Variants in SLC9C1 observed in about 807,000 individuals in gnomAD.
The protein encoded by SLC9C1 is solute carrier family 9 member C1, also known as sodium/hydrogen exchanger 10.
Under a neutral mutation model 140.9 loss-of-function variants are expected in SLC9C1, and 97 were observed. The ratio of observed to expected loss-of-function variants is 0.69; its 90% CI spans 0.58 to 0.82. The LOEUF (loss-of-function observed/expected upper bound fraction) is 0.82. Among genes scored for constraint, SLC9C1 ranks in the 40% least tolerant of loss-of-function variants. The pLI, the probability that SLC9C1 is intolerant of heterozygous loss-of-function variation, is 0.00. For synonymous variants in SLC9C1, 440 were observed against 442.6 expected (o/e 0.99, Z 0.07); for missense variants, 1,340 against 1,389.3 (o/e 0.96, Z 0.56).
chr3:112,240,938 T>C (rs1036270297), intron 11 of SLC9C1, among the ~76,000 whole-genome samples: 22 of 144,716 alleles, frequency 1.5e-4, no homozygotes, highest in African/African-American at 5.7e-4. Flanking sequence ...ATTTAACTCA[T>C]GGACATAGAG....
chr3:112,176,144 T>C (rs1458386918), intron 23 of SLC9C1, among the ~76,000 whole-genome samples: 1 of 152,172 alleles, frequency 6.6e-6, no homozygotes, highest in Non-Finnish European at 1.5e-5. Context: ...CTGCAAACCC[T>C]AGTGGAGTGG....
chr3:112,214,084 C>T (rs149813189), intron 15 of SLC9C1, among the ~76,000 whole-genome samples: 234 of 152,154 alleles, frequency 1.5e-3, no homozygotes, highest in Middle Eastern at 3.4e-3. Context: ...ACATGGAAAC[C>T]GAACAACCAG....
intron 15 of SLC9C1, among the ~76,000 whole-genome samples, chr3:112,212,404 C>T (rs1214724997): frequency 2.6e-5 from 4 of 152,152 alleles, no homozygotes; most frequent in African/African-American, 9.7e-5. Context: ...GATCAAACTT[C>T]TCCGAGCTAA....
chr3:112,281,965 C>T (rs7626450), intron 2 of SLC9C1, among the ~76,000 whole-genome samples: 8,316 of 152,272 alleles, frequency 0.055, 271 homozygotes, highest in South Asian at 0.088. Context: ...GGATCATCCA[C>T]ATCAGATTGT....
chr3:112,266,157 A>G, intron 8 of SLC9C1, 81 bp downstream of exon 8: 1 of 1,020,780 alleles, frequency 9.8e-7, no homozygotes, highest in Non-Finnish European at 1.5e-6. Flanking sequence ...TACTTCGACC[A>G]TGTAGATGTA....
chr3:112,262,849 CA>C (rs5851826), intron 10 of SLC9C1, 74 bp downstream of exon 10: 765,387 of 1,262,494 alleles, frequency 0.61, 235,627 homozygotes, highest in East Asian at 0.77. Flanking sequence ...TACCTCACTA[CA>C]AAAAAACATA....
At chr3:112,147,792 T>C (rs1371246297) in intron 28 of SLC9C1, among the ~76,000 whole-genome samples, 1 of 152,212 alleles carries the variant, frequency 6.6e-6, no homozygotes, top group Non-Finnish European at 1.5e-5. Context: ...TCTAGGTTTT[T>C]GTATCTGGAT....
intron 26 of SLC9C1, among the ~76,000 whole-genome samples, chr3:112,158,798 G>T (rs922057209): frequency 6.6e-6 from 1 of 151,616 alleles, no homozygotes; most frequent in Non-Finnish European, 1.5e-5. Context: ...TTTCCAATTT[G>T]TTCGTGTATA....
rs2078367211 is a variant in SLC9C1 at position 112,216,329 on chromosome 3, T to C, written c.1790+1113A>G. 7.2e-5 allele frequency among the ~76,000 whole-genome samples: 11 copies of C among 152,066 alleles called. 1 individual carries two copies. In the South Asian group the frequency reaches 2.3e-3, roughly 32 times the overall value. ...TTCAGGACTAAAACACCAAAAGCAATGGCAACAAAAGCCAAAATTGACAAA... is the reference window on the plus strand; with the variant it reads ...TTCAGGACTAAAACACCAAAAGCAACGGCAACAAAAGCCAAAATTGACAAA... On this transcript the variant is annotated intron_variant, in intron 15 of 28. Transcript: ENST00000305815.
intron 13 of SLC9C1, among the ~76,000 whole-genome samples, chr3:112,225,605 C>T (rs4498008): frequency 0.76 from 114,777 of 151,860 alleles, 43,765 homozygotes; most frequent in East Asian, 0.99. Context: ...AAAATTTCCA[C>T]TTAAAAGATA....
chr3:112,159,208 T>G (rs907421787), intron 26 of SLC9C1, among the ~76,000 whole-genome samples: 2 of 151,936 alleles, frequency 1.3e-5, no homozygotes, highest in Non-Finnish European at 2.9e-5. Context: ...CATTTTCATT[T>G]ATTTCAATAA....
intron 13 of SLC9C1, among the ~76,000 whole-genome samples, chr3:112,230,314 A>G (rs1197416593): frequency 1.3e-5 from 2 of 152,142 alleles, no homozygotes; most frequent in African/African-American, 4.8e-5. Flanking sequence ...CAGGATGACT[A>G]GCTTGTCCAT....
chr3:112,232,552 A>G (rs1407718658), intron 12 of SLC9C1, among the ~76,000 whole-genome samples: 2 of 152,152 alleles, frequency 1.3e-5, no homozygotes, highest in East Asian at 1.9e-4. Flanking sequence ...GGTTCAGTGG[A>G]TATGAAATGG....
chr3:112,144,353 A>G (rs1337889215), intron 28 of SLC9C1, among the ~76,000 whole-genome samples: 1 of 151,136 alleles, frequency 6.6e-6, no homozygotes, highest in African/African-American at 2.4e-5. Flanking sequence ...ATTTTTTTGT[A>G]TTTTTAGTAG....
rs576372368 is a variant in SLC9C1 at position 112,237,248 on chromosome 3, T to C, written c.1446+2592A>G. Among the ~76,000 whole-genome samples, 4 of 152,330 alleles carry C rather than the reference T, an allele frequency of 2.6e-5. No individual in the cohort carries two copies. The East Asian group carries it at 5.8e-4, about 22-fold the overall frequency. On this transcript the variant is annotated intron_variant, in intron 12 of 28. Transcript: ENST00000305815. Reference sequence around the variant, plus strand: ...CCTTCTTTGTCTCTTTTGATCTTCGTTGGTTTAAAGCCTGTTTTATCAGAG... The same window carrying C: ...CCTTCTTTGTCTCTTTTGATCTTCGCTGGTTTAAAGCCTGTTTTATCAGAG...
chr3:112,282,671 A>C (rs1032993255), intron 2 of SLC9C1, among the ~76,000 whole-genome samples: 1 of 152,220 alleles, frequency 6.6e-6, no homozygotes, highest in Non-Finnish European at 1.5e-5. Flanking sequence ...TAATGAAAAA[A>C]AAAAACTGCA....
intron 1 of SLC9C1, among the ~76,000 whole-genome samples, chr3:112,293,340 G>A (rs2108384789): frequency 6.6e-6 from 1 of 152,094 alleles, no homozygotes; most frequent in South Asian, 2.1e-4. Context: ...GTGTGTGGAG[G>A]AAATTAATGA....
chr3:112,213,656 G>A (rs1168518560), intron 15 of SLC9C1, among the ~76,000 whole-genome samples: 1 of 152,032 alleles, frequency 6.6e-6, no homozygotes, highest in Non-Finnish European at 1.5e-5. Context: ...AGAAGAGCTA[G>A]CTATCCTAAA....
At chr3:112,233,883 T>A (rs1389088468) in intron 12 of SLC9C1, among the ~76,000 whole-genome samples, 7 of 152,202 alleles carry the variant, frequency 4.6e-5, no homozygotes, top group Non-Finnish European at 7.3e-5. Flanking sequence ...TCTATCATTG[T>A]TGGACATTTG....
Sources: gnomAD v4.1 joint callset for allele counts (sites outside exome capture counted in the v4.1 genomes callset) on GRCh38, gnomAD v4.1.1 for gene constraint, MANE v1.5 for transcripts, NCBI Gene and HGNC (gene_info 2026-07-23, HGNC 2026-07-21) for gene names.